SYNJ2BP: variants seen among roughly 807,000 people sequenced by gnomAD.
SYNJ2BP encodes the protein synaptojanin 2 binding protein, also known as synaptojanin-2-binding protein.
In SYNJ2BP, 10 loss-of-function variants were observed where a neutral mutation model predicts 16.9. The observed-to-expected ratio is 0.59, with a 90% CI of 0.36 to 1.00. The LOEUF (loss-of-function observed/expected upper bound fraction) is 1.00. Ranked by LOEUF, SYNJ2BP falls within the 50% of genes least tolerant of loss-of-function variation. The pLI, the probability that SYNJ2BP is intolerant of heterozygous loss-of-function variation, is 0.01. For missense variants in SYNJ2BP, 162 were observed against 186.7 expected, an observed-to-expected ratio of 0.87 and a Z score of 0.77; for synonymous variants, 54 against 68.4, an observed-to-expected ratio of 0.79 and a Z score of 1.04.
At chr14:70,387,897 T>C (rs1045145201) in intron 2 of SYNJ2BP, among the ~76,000 whole-genome samples, 6 of 150,970 alleles carry the variant, frequency 4.0e-5, no homozygotes, top group Admixed American at 3.3e-4. Flanking sequence ...GTAAGATTAA[T>C]AATTACCATG....
At chr14:70,377,337 T>G (rs1299141421) in intron 2 of SYNJ2BP, among the ~76,000 whole-genome samples, 1 of 152,202 alleles carries the variant, frequency 6.6e-6, no homozygotes, top group Non-Finnish European at 1.5e-5. Flanking sequence ...TTTCTTGCCA[T>G]CATTAAGTTG....
At chr14:70,374,052 G>A (rs1444222978) in intron 3 of SYNJ2BP, among the ~76,000 whole-genome samples, 1 of 152,220 alleles carries the variant, frequency 6.6e-6, no homozygotes, top group Admixed American at 6.5e-5. Context: ...TGCTCAATAA[G>A]AAGGCATGGT....
intron 1 of SYNJ2BP, among the ~76,000 whole-genome samples, chr14:70,396,152 T>G (rs958570818): frequency 2.0e-5 from 3 of 152,246 alleles, no homozygotes; most frequent in African/African-American, 7.2e-5. Flanking sequence ...GGAGTCTTGC[T>G]CTGTCGCCCA....
rs77491323 is a variant in SYNJ2BP, at chr14:70,386,674, G to A, written c.201+1796C>T. ...TTTTCCTTTGTATCTCTGCCTTCAG[G>A]TTCTGCTACCAAATGGGCTTCATGG... is the stretch of plus-strand genomic sequence containing the variant. On this transcript the variant is annotated intron_variant, in intron 2 of 3. Coordinates refer to ENST00000256366, the MANE Select transcript of SYNJ2BP (RefSeq NM_018373.3). 1.5e-3 allele frequency among the ~76,000 whole-genome samples: 222 copies of A among 152,170 alleles called. 4 individuals carry two copies. The South Asian group carries it at 0.043, about 30-fold the overall frequency.
At chr14:70,414,848 A>C (rs950773072) in intron 1 of SYNJ2BP, among the ~76,000 whole-genome samples, 1 of 152,230 alleles carries the variant, frequency 6.6e-6, no homozygotes, top group Non-Finnish European at 1.5e-5. Flanking sequence ...TTATCAATGG[A>C]TGAAAAGTAC....
At chr14:70,398,418 C>T (rs1888154252) in intron 1 of SYNJ2BP, among the ~76,000 whole-genome samples, 1 of 152,232 alleles carries the variant, frequency 6.6e-6, no homozygotes, top group Non-Finnish European at 1.5e-5. Context: ...CAGGCCAGTG[C>T]TGAGCTGCCC....
chr14:70,369,255 A>C lies in SYNJ2BP; in HGVS notation c.*3736T>G, dbSNP rs1369819253. On this transcript the variant is annotated 3_prime_UTR_variant, in exon 4 of 4. Transcript: ENST00000256366. ...GTAGCTGGGCCTACAGGAATGCACC[A>C]CTAATTTGTTTGACTTTTAGTAAAG... The C allele has an allele frequency of 1.3e-5, 2 of 152,086 alleles. No homozygotes were observed. Among genetic ancestry groups the C allele is most frequent in the Non-Finnish European group, 2.9e-5 (2 of 68,024 alleles). 9.4% of individuals were successfully genotyped at this position (152,086 alleles called of 1,614,324 possible).
chr14:70,368,302 T>C lies in SYNJ2BP; in HGVS notation c.*4689A>G, dbSNP rs949347766. 2.0e-5 allele frequency: 3 copies of C among 152,174 alleles called. No individual in the cohort carries two copies. Among genetic ancestry groups the C allele is most frequent in the African/African-American group, 7.2e-5 (3 of 41,442 alleles). The allele number at this position is 152,174 out of a possible 1,614,324, so 9.4% of individuals were successfully genotyped here. On this transcript the variant is annotated 3_prime_UTR_variant, in exon 4 of 4. Transcript: ENST00000256366. Reference sequence around the variant, plus strand: ...TCCTTTAGCTGTCTATCAGTTCTGGTCTTTATTCAGGCCCAAAGAGAGAAG... The same window carrying C: ...TCCTTTAGCTGTCTATCAGTTCTGGCCTTTATTCAGGCCCAAAGAGAGAAG...
chr14:70,382,507 T>TGG (rs1337186590), intron 2 of SYNJ2BP, among the ~76,000 whole-genome samples: 1 of 152,208 alleles, frequency 6.6e-6, no homozygotes, highest in Non-Finnish European at 1.5e-5. Context: ...ATGCAGAGTT[T>TGG]GATTCTGTAG....
At chr14:70,409,153 C>T (rs1220283183) in intron 1 of SYNJ2BP, among the ~76,000 whole-genome samples, 1 of 152,148 alleles carries the variant, frequency 6.6e-6, no homozygotes, top group Admixed American at 6.5e-5. Context: ...TGGCCTCAAG[C>T]AGTCCTCCTC....
At position 70,369,899 on chromosome 14, in the gene SYNJ2BP, G is replaced by T. The variant is rs1193469498; in HGVS notation, c.*3092C>A. The T allele has an allele frequency of 6.6e-6, 1 of 152,106 alleles. No individual in the cohort carries two copies. The highest frequency in any genetic ancestry group is 2.4e-5 in the African/African-American group (1 of 41,400). 9.4% of individuals were successfully genotyped at this position (152,106 alleles called of 1,614,324 possible). A position where few individuals can be genotyped will look rare whatever the true frequency, so the allele number is the denominator to read the frequency against. On this transcript the variant is annotated 3_prime_UTR_variant, in exon 4 of 4. Transcript: ENST00000256366. ...TTGAACGTAATAATTTAGGTAGTAG[G>T]AACATTAGATGCAATCTATAGAAGA...
chr14:70,375,489 C>T (rs1218872425), intron 3 of SYNJ2BP, among the ~76,000 whole-genome samples, 187 bp downstream of exon 3: 2 of 152,180 alleles, frequency 1.3e-5, no homozygotes, highest in Non-Finnish European at 2.9e-5. Context: ...TGTGAGCCAC[C>T]GTGCCTGGCC....
At chr14:70,399,042 C>T (rs1372788981) in intron 1 of SYNJ2BP, among the ~76,000 whole-genome samples, 1 of 152,078 alleles carries the variant, frequency 6.6e-6, no homozygotes, top group Non-Finnish European at 1.5e-5. Flanking sequence ...GATGCGGCCC[C>T]GCGGAGGCTG....
chr14:70,410,134 A>C (rs1298230922), intron 1 of SYNJ2BP, among the ~76,000 whole-genome samples: 2 of 151,794 alleles, frequency 1.3e-5, no homozygotes, highest in African/African-American at 4.8e-5. Context: ...AAATAAGTAC[A>C]TTGGGTGTGG....
In SYNJ2BP at chr14:70,370,424, C is replaced by G. The variant is rs754014901; in HGVS notation, c.*2567G>C. On this transcript the variant is annotated 3_prime_UTR_variant, in exon 4 of 4. Coordinates refer to ENST00000256366, the MANE Select transcript of SYNJ2BP (RefSeq NM_018373.3). ...ATGTTGTCCGTGTTTTTCTGTGGAACCTACAATGAGTCCAGTTGTCTAAGT... is the reference window on the plus strand; with the variant it reads ...ATGTTGTCCGTGTTTTTCTGTGGAAGCTACAATGAGTCCAGTTGTCTAAGT... 6.6e-6 allele frequency: 1 copy of G among 152,116 alleles called. No individual in the cohort carries two copies. Among genetic ancestry groups the G allele is most frequent in the East Asian group, 1.9e-4 (1 of 5,196 alleles). 9.4% of individuals were successfully genotyped at this position (152,116 alleles called of 1,614,324 possible).
chr14:70,373,135 G>A lies in SYNJ2BP; in HGVS notation c.298-4C>T. The A allele has an allele frequency of 6.2e-7, 1 of 1,612,790 alleles. No homozygotes were observed. The highest frequency in any genetic ancestry group is 8.5e-7 in the Non-Finnish European group (1 of 1,179,620). On this transcript the variant is annotated splice_polypyrimidine_tract_variant and splice_region_variant and intron_variant, in intron 3 of 3. Coordinates refer to ENST00000256366, the MANE Select transcript of SYNJ2BP (RefSeq NM_018373.3). ...TAGGTCCATTCTGCACCTGTAACTG[G>A]AAGGGAAAGAAAAATGTTAACTCTA...
chr14:70,410,827 C>T (rs1231203489), intron 1 of SYNJ2BP, among the ~76,000 whole-genome samples: 2 of 152,086 alleles, frequency 1.3e-5, no homozygotes, highest in African/African-American at 2.4e-5. Flanking sequence ...CACATAGACA[C>T]ACAGAGGAGA....
chr14:70,413,468 G>C (rs543849596), intron 1 of SYNJ2BP, among the ~76,000 whole-genome samples: 98 of 152,258 alleles, frequency 6.4e-4, no homozygotes, highest in African/African-American at 2.3e-3. Flanking sequence ...GTGAAACCCT[G>C]TCTCTACTAA....
chr14:70,403,979 G>A (rs978639045), intron 1 of SYNJ2BP, among the ~76,000 whole-genome samples: 1 of 152,072 alleles, frequency 6.6e-6, no homozygotes, highest in East Asian at 1.9e-4. Context: ...TACTTTGTTG[G>A]TTTAATGAAA....
Sources: allele counts gnomAD v4.1 joint callset (sites outside exome capture counted in the v4.1 genomes callset), GRCh38; gene constraint gnomAD v4.1.1; transcripts MANE v1.5; gene names NCBI Gene and HGNC (gene_info 2026-07-23, HGNC 2026-07-21).